The following RC3H2 variants were observed in gnomAD, a reference collection of about 807,000 sequenced individuals.
RC3H2 encodes ring finger and CCCH-type domains 2, also known as roquin-2.
Under a neutral mutation model 133.3 loss-of-function variants are expected in RC3H2, and 31 were observed. The ratio of observed to expected loss-of-function variants is 0.23; its 90% CI spans 0.17 to 0.31. The LOEUF (loss-of-function observed/expected upper bound fraction) is 0.31. Among genes scored for constraint, RC3H2 ranks in the 10% least tolerant of loss-of-function variants. The pLI, the probability that RC3H2 is intolerant of heterozygous loss-of-function variation, is 1.00. For synonymous variants in RC3H2, 517 were observed against 502.2 expected (o/e 1.03, Z -0.40); for missense variants, 1,175 against 1,437.2 (o/e 0.82, Z 2.95).
In RC3H2 at chr9:122,855,394, G is replaced by T; in HGVS notation, c.2605C>A (p.Leu869Met). 6.2e-7 allele frequency: 1 copy of T among 1,612,386 alleles called. No individual in the cohort carries two copies. The highest frequency in any genetic ancestry group is 8.5e-7 in the Non-Finnish European group (1 of 1,179,526). Residue 869 changes from leucine (L) to methionine (M), a missense_variant, in exon 15 of 21, where the codon CTG (leucine) becomes ATG (methionine). Physicochemically the swap from Leu to Met is conservative, Grantham distance 15 (BLOSUM62 2). Coordinates refer to ENST00000357244, the MANE Select transcript of RC3H2 (RefSeq NM_001100588.3). ...IANSNAVLMDLDSGDVKRRVH... is the reference protein window; with the variant it reads ...IANSNAVLMDMDSGDVKRRVH... ...CTTCTCTTAACATCACCACTGTCCA[G>T]GTCCTATGTAAACCAAAGAAAATCA...
chr9:122,896,412 T>C lies in RC3H2; in HGVS notation c.231+867A>G, dbSNP rs192984196. On this transcript the variant is annotated intron_variant, in intron 2 of 20. Transcript: ENST00000357244. ...AGCTTTGATTACATTTCTTTTCATA[T>C]CACCTGGTGAATAAATATATATGCT... Among the ~76,000 whole-genome samples the C allele has an allele frequency of 3.3e-5, 5 of 152,306 alleles. No individual in the cohort carries two copies. The East Asian group carries it at 9.6e-4, about 29-fold the overall frequency.
chr9:122,885,191 A>C (rs1293440359), intron 4 of RC3H2, among the ~76,000 whole-genome samples: 1 of 152,210 alleles, frequency 6.6e-6, no homozygotes, highest in Non-Finnish European at 1.5e-5. Flanking sequence ...CTTTAGTTTT[A>C]AAGTATTAAA....
chr9:122,869,741 T>C lies in RC3H2; in HGVS notation c.1326-4084A>G, dbSNP rs551797110. Among the ~76,000 whole-genome samples, 4 of 152,092 alleles carry C rather than the reference T, an allele frequency of 2.6e-5. No homozygotes were observed. The South Asian group carries it at 8.3e-4, about 32-fold the overall frequency. On this transcript the variant is annotated intron_variant, in intron 9 of 20. Coordinates refer to ENST00000357244, the MANE Select transcript of RC3H2 (RefSeq NM_001100588.3). ...CCTGCCAACACACCTGGCTAATTTTTGTATTTTTAGTAGAGATGGGGTTTC... is the reference window on the plus strand; with the variant it reads ...CCTGCCAACACACCTGGCTAATTTTCGTATTTTTAGTAGAGATGGGGTTTC...
chr9:122,879,304 G>C (rs1831493853), intron 8 of RC3H2, among the ~76,000 whole-genome samples: 1 of 151,800 alleles, frequency 6.6e-6, no homozygotes, highest in South Asian at 2.1e-4. Context: ...TGAGGCAGGA[G>C]AATCACCTGA....
rs994119514 is a variant in RC3H2 at position 122,905,295 on chromosome 9, C to G, written c.-253G>C. On this transcript the variant is annotated 5_prime_UTR_variant, in exon 1 of 21. Coordinates refer to ENST00000357244, the MANE Select transcript of RC3H2 (RefSeq NM_001100588.3). ...GCGAAGGCCGCGACGGGGCCTCCTC[C>G]TCCTCCCTCCACCTCCGCCTCCTCC... The G allele has an allele frequency of 3.0e-6, 3 of 985,640 alleles. No individual in the cohort carries two copies. In the African/African-American group the frequency reaches 5.2e-5, roughly 17 times the overall value. The allele number at this position is 985,640 out of a possible 1,614,324, so 61.1% of individuals were successfully genotyped here. A position where few individuals can be genotyped will look rare whatever the true frequency, so the allele number is the denominator to read the frequency against.
chr9:122,895,908 AAT>A (rs1832395075), intron 2 of RC3H2, among the ~76,000 whole-genome samples: 1 of 152,196 alleles, frequency 6.6e-6, no homozygotes, highest in African/African-American at 2.4e-5. Flanking sequence ...ACCCTCATTA[AAT>A]ATGTTATTTC....
chr9:122,861,567 ATATT>A (rs1464511358), intron 10 of RC3H2, among the ~76,000 whole-genome samples: 1 of 151,660 alleles, frequency 6.6e-6, no homozygotes, highest in Non-Finnish European at 1.5e-5. Context: ...ATTTGTAGCT[ATATT>A]TATTTTGCTG....
At position 122,905,306 on chromosome 9, in the gene RC3H2, ACCTCCG is replaced by A. The variant is rs952313005; in HGVS notation, c.-270_-265del. 4 of 984,064 alleles carry A rather than the reference ACCTCCG, an allele frequency of 4.1e-6. No homozygotes were observed. The highest frequency in any genetic ancestry group is 3.5e-5 in the African/African-American group (2 of 56,806). The allele number at this position is 984,064 out of a possible 1,614,324, so 61.0% of individuals were successfully genotyped here. A position where few individuals can be genotyped will look rare whatever the true frequency, so the allele number is the denominator to read the frequency against. ...GACGGGGCCTCCTCCTCCTCCCTCC[ACCTCCG>A]CCTCCTCCTCCTCCTCCTCCTCACC... On this transcript the variant is annotated 5_prime_UTR_variant, in exon 1 of 21. Transcript: ENST00000357244.
At chr9:122,895,352 G>C (rs559643230) in intron 2 of RC3H2, among the ~76,000 whole-genome samples, 1 of 151,430 alleles carries the variant, frequency 6.6e-6, no homozygotes, top group Non-Finnish European at 1.5e-5. Flanking sequence ...ATTTTTTGTA[G>C]AGATGGGGTT....
intron 15 of RC3H2, among the ~76,000 whole-genome samples, chr9:122,854,887 T>G (rs1357361215): frequency 6.6e-6 from 1 of 152,124 alleles, no homozygotes; most frequent in Non-Finnish European, 1.5e-5. Flanking sequence ...GTGGATCACA[T>G]GAGGCCAGGA....
rs981389452 is a variant in RC3H2 at position 122,848,860 on chromosome 9, T to C, written c.*767A>G. The stretch of plus-strand genomic sequence containing the variant: ...AACGATTCTGCATAACTTAGGAGAA[T>C]TTAATATCTAGTACATCAGCTGAAA... On this transcript the variant is annotated 3_prime_UTR_variant, in exon 21 of 21. Transcript: ENST00000357244. 3.3e-5 allele frequency: 5 copies of C among 152,172 alleles called. No individual in the cohort carries two copies. The highest frequency in any genetic ancestry group is 1.2e-4 in the African/African-American group (5 of 41,454). The allele number at this position is 152,172 out of a possible 1,614,324, so 9.4% of individuals were successfully genotyped here. A position where few individuals can be genotyped will look rare whatever the true frequency, so the allele number is the denominator to read the frequency against.
At position 122,896,073 on chromosome 9, in the gene RC3H2, C is replaced by G. The variant is rs1453547229; in HGVS notation, c.231+1206G>C. Among the ~76,000 whole-genome samples, 643 of 147,336 alleles carry G rather than the reference C, an allele frequency of 4.4e-3. 3 individuals carry two copies. The highest frequency in any genetic ancestry group is 0.015 in the African/African-American group (610 of 39,944). On this transcript the variant is annotated intron_variant, in intron 2 of 20. Transcript: ENST00000357244. ...CCGTGGGCCATACTGGAAGAATTGT[C>G]TTGGGCCACACATAAGATACACTAA...
intron 9 of RC3H2, among the ~76,000 whole-genome samples, chr9:122,873,194 T>C (rs1350579731): frequency 6.6e-6 from 1 of 152,170 alleles, no homozygotes. Context: ...AAACAGCCTA[T>C]CCTCAAAAAG....
At chr9:122,853,916 C>T (rs1216083623) in intron 18 of RC3H2, 36 bp downstream of exon 18, 2 of 1,614,220 alleles carry the variant, frequency 1.2e-6, no homozygotes, top group African/African-American at 2.7e-5. Flanking sequence ...AAAACAAATA[C>T]ATTAAGCATG....
chr9:122,894,769 A>T (rs960312944), intron 2 of RC3H2, among the ~76,000 whole-genome samples: 3 of 152,120 alleles, frequency 2.0e-5, no homozygotes, highest in Non-Finnish European at 4.4e-5. Context: ...AACCCCAGCT[A>T]CTTGGGAGGC....
intron 1 of RC3H2, among the ~76,000 whole-genome samples, chr9:122,904,288 G>A: frequency 6.6e-6 from 1 of 152,184 alleles, no homozygotes; most frequent in East Asian, 1.9e-4. Flanking sequence ...CTTTATGCCA[G>A]TGATTACTTG....
At chr9:122,898,543 AG>A (rs1832518121) in intron 1 of RC3H2, among the ~76,000 whole-genome samples, 1 of 152,114 alleles carries the variant, frequency 6.6e-6, no homozygotes, top group Non-Finnish European at 1.5e-5. Flanking sequence ...TGAGGTCAGG[AG>A]CTTGAGAACA....
chr9:122,880,331 T>G (rs1831563721), intron 6 of RC3H2: 1 of 798,910 alleles, frequency 1.3e-6, no homozygotes, highest in Non-Finnish European at 2.2e-6. Flanking sequence ...TAAGCTGTAT[T>G]AACTCTCTGA....
At chr9:122,864,501 T>C (rs1830565526) in intron 10 of RC3H2, among the ~76,000 whole-genome samples, 1 of 152,170 alleles carries the variant, frequency 6.6e-6, no homozygotes, top group Non-Finnish European at 1.5e-5. Flanking sequence ...ACCATTATAA[T>C]TCTAGTTTTA....
Sources: allele counts gnomAD v4.1 joint callset (sites outside exome capture counted in the v4.1 genomes callset), GRCh38; gene constraint gnomAD v4.1.1; transcripts MANE v1.5; gene names NCBI Gene and HGNC (gene_info 2026-07-23, HGNC 2026-07-21).